TTLL9: variants seen among roughly 807,000 people sequenced by gnomAD.
The protein encoded by TTLL9 is probable tubulin polyglutamylase TTLL9.
TTLL9 carries 47 observed loss-of-function variants against 65.6 expected under a neutral mutation model. That is an observed-to-expected ratio of 0.72 (90% CI 0.57 to 0.91). TTLL9 has a LOEUF of 0.91. Among genes scored for constraint, TTLL9 ranks in the 40% least tolerant of loss-of-function variants. TTLL9 has a pLI of 0.00. For missense variants in TTLL9, 537 were observed against 568.8 expected (o/e 0.94, Z 0.57); for synonymous variants, 179 against 204.8 (o/e 0.87, Z 1.07).
At position 31,908,453 on chromosome 20, in the gene TTLL9, T is replaced by C. The variant is rs563949708; in HGVS notation, c.207-138T>C. The C allele has an allele frequency of 3.7e-4, 233 of 624,990 alleles. 3 individuals are homozygous for C. In the South Asian group the frequency reaches 4.3e-3, roughly 11 times the overall value. 38.7% of individuals were successfully genotyped at this position (624,990 alleles called of 1,614,324 possible). A position where few individuals can be genotyped will look rare whatever the true frequency, so the allele number is the denominator to read the frequency against. Reference sequence around the variant, plus strand: ...AGCACATGTAGGCCAGTGGCACCCATGGCCACCTCCAAGAGACTCTAGAGG... The same window carrying C: ...AGCACATGTAGGCCAGTGGCACCCACGGCCACCTCCAAGAGACTCTAGAGG... On this transcript the variant is annotated intron_variant, in intron 4 of 14. Transcript: ENST00000535842.
At chr20:31,882,989 T>C (rs1197168633) in intron 2 of TTLL9, among the ~76,000 whole-genome samples, 2 of 152,176 alleles carry the variant, frequency 1.3e-5, no homozygotes, top group African/African-American at 2.4e-5. Context: ...GGGAAGACAT[T>C]GATTGTCTCA....
chr20:31,931,454 C>T (rs1186719754), intron 10 of TTLL9, among the ~76,000 whole-genome samples: 1 of 151,972 alleles, frequency 6.6e-6, no homozygotes, highest in East Asian at 1.9e-4. Flanking sequence ...TTTTGTATTT[C>T]GTGTACATAC....
At position 31,909,774 on chromosome 20, in the gene TTLL9, G is replaced by A. The variant is rs201616223; in HGVS notation, c.356G>A (p.Arg119Gln). ...RKNYMVKNLKRFRKQLEREAG... is the reference protein window; with the variant it reads ...RKNYMVKNLKQFRKQLEREAG... ...AACTACATGGTGAAGAACCTGAAGC[G>A]GTTCCGGAAGCAGCTGGAGCGTGAG... The change falls in exon 6 of 15, where the codon CGG (arginine) becomes CAG (glutamine). Residue 119 changes from arginine (R) to glutamine (Q), a missense_variant. By Grantham distance (43) the Arg-to-Gln change is conservative. Around this residue, in one of 3 missense-constraint regions of TTLL9, gnomAD observed 320 missense variants for 311.0 expected, o/e 1.03. Transcript: ENST00000535842. 138 of 1,614,020 alleles carry A rather than the reference G, an allele frequency of 8.6e-5. No homozygotes were observed. Among genetic ancestry groups the A allele is most frequent in the Non-Finnish European group, 1.1e-4 (131 of 1,180,032 alleles).
At chr20:31,895,606 G>T (rs963257430) in intron 3 of TTLL9, among the ~76,000 whole-genome samples, 3 of 151,790 alleles carry the variant, frequency 2.0e-5, no homozygotes, top group Non-Finnish European at 4.4e-5. Context: ...GTGTGATCTC[G>T]GCTCACTGCA....
chr20:31,899,226 C>T (rs1030663884), intron 4 of TTLL9, among the ~76,000 whole-genome samples: 4 of 152,244 alleles, frequency 2.6e-5, no homozygotes, highest in South Asian at 2.1e-4. Flanking sequence ...CCATCTGCTT[C>T]TGTCTTTCCA....
intron 6 of TTLL9, among the ~76,000 whole-genome samples, chr20:31,918,635 C>T (rs1020437314): frequency 1.3e-5 from 2 of 152,226 alleles, no homozygotes; most frequent in African/African-American, 2.4e-5. Context: ...CCTCCTACTT[C>T]GGCCTTCCAG....
chr20:31,915,876 G>T (rs752539474), intron 6 of TTLL9, among the ~76,000 whole-genome samples: 1 of 152,150 alleles, frequency 6.6e-6, no homozygotes, highest in Non-Finnish European at 1.5e-5. Context: ...ACTAAAGCTC[G>T]TATTCCGGTT....
At chr20:31,881,882 A>G (rs555832584) in intron 2 of TTLL9, among the ~76,000 whole-genome samples, 17 of 152,320 alleles carry the variant, frequency 1.1e-4, no homozygotes, top group African/African-American at 4.1e-4. Context: ...CACTGTGAAT[A>G]TAGTATAGAC....
intron 11 of TTLL9, among the ~76,000 whole-genome samples, chr20:31,934,105 C>T (rs2064065119): frequency 6.6e-6 from 1 of 152,258 alleles, no homozygotes; most frequent in Non-Finnish European, 1.5e-5. Context: ...ATGTCCTATC[C>T]TCCTACCTTG....
intron 11 of TTLL9, chr20:31,934,414 T>G: frequency 1.7e-6 from 1 of 600,504 alleles, no homozygotes; most frequent in South Asian, 1.5e-5. Context: ...ACATGGTCAG[T>G]GTGGTCTGTC....
intron 10 of TTLL9, among the ~76,000 whole-genome samples, chr20:31,933,300 A>G (rs113631641): frequency 5.6e-4 from 85 of 152,192 alleles, no homozygotes; most frequent in Middle Eastern, 3.4e-3. Context: ...CCCTTTGCCA[A>G]TATTCCTACA....
intron 2 of TTLL9, chr20:31,883,962 GAAAT>G (rs1471121851): frequency 2.3e-6 from 1 of 434,682 alleles, no homozygotes; most frequent in African/African-American, 2.0e-5. Context: ...GCAAGAAAAA[GAAAT>G]AAAAAGCATA....
At chr20:31,909,991 C>A in intron 6 of TTLL9, 69 bp downstream of exon 6, 2 of 1,472,274 alleles carry the variant, frequency 1.4e-6, no homozygotes, top group Non-Finnish European at 1.9e-6. Context: ...GGATCAGGTG[C>A]AGACACTGCC....
intron 2 of TTLL9, among the ~76,000 whole-genome samples, chr20:31,873,264 A>G (rs1443281206): frequency 6.6e-6 from 1 of 152,156 alleles, no homozygotes; most frequent in Non-Finnish European, 1.5e-5. Context: ...CCAATTCAAC[A>G]CGTTTATTGG....
chr20:31,891,346 T>G (rs760452686), intron 3 of TTLL9, among the ~76,000 whole-genome samples: 4 of 152,222 alleles, frequency 2.6e-5, no homozygotes, highest in Non-Finnish European at 5.9e-5. Context: ...CACATTCTTG[T>G]GAATATTTGG....
At chr20:31,909,956 G>GGGGC in intron 6 of TTLL9, 34 bp downstream of exon 6, 3 of 658,916 alleles carry the variant, frequency 4.6e-6, no homozygotes, top group Non-Finnish European at 8.3e-6. Flanking sequence ...GGGTGGGAGG[G>GGGGC]AATGAGTCCC....
rs778120855 is a variant in TTLL9 at position 31,923,097 on chromosome 20, T to C, written c.664+44T>C. 5 of 1,463,340 alleles carry C rather than the reference T, an allele frequency of 3.4e-6. No individual in the cohort carries two copies. The African/African-American group carries it at 7.0e-5, about 20-fold the overall frequency. 90.6% of individuals were successfully genotyped at this position (1,463,340 alleles called of 1,614,324 possible). A position where few individuals can be genotyped will look rare whatever the true frequency, so the allele number is the denominator to read the frequency against. On this transcript the variant is annotated intron_variant, in intron 8 of 14. Coordinates refer to ENST00000535842, the MANE Select transcript of TTLL9 (RefSeq NM_001008409.5). ...CTCCTGCTCTTCCATTGCATGGTCA[T>C]CAAACAGTCAGTCAACAAGCTTTGA...
At chr20:31,871,754 G>T (rs2062936665) in intron 2 of TTLL9, among the ~76,000 whole-genome samples, 1 of 151,982 alleles carries the variant, frequency 6.6e-6, no homozygotes, top group African/African-American at 2.4e-5. Context: ...TAGAGACTAG[G>T]GACACAGCAG....
Position 31,910,028 on chromosome 20 carries a change from G to C in TTLL9, c.504+106G>C, listed in dbSNP as rs986909516. 3.0e-4 allele frequency: 351 copies of C among 1,172,496 alleles called. 2 individuals are homozygous for C. The highest frequency in any genetic ancestry group is 2.0e-4 in the Admixed American group (9 of 44,728). 72.6% of individuals were successfully genotyped at this position (1,172,496 alleles called of 1,614,324 possible). On this transcript the variant is annotated intron_variant, in intron 6 of 14. Transcript: ENST00000535842. Reference sequence around the variant, plus strand: ...GGGAATTCAGCCTTAGATGCTGTCTGCCTTCCCGAAGGGCCAGCTTTAGCT... The same window carrying C: ...GGGAATTCAGCCTTAGATGCTGTCTCCCTTCCCGAAGGGCCAGCTTTAGCT...
Sources: allele counts gnomAD v4.1 joint callset (sites outside exome capture counted in the v4.1 genomes callset), GRCh38; gene constraint gnomAD v4.1.1; regional missense constraint gnomAD v4.1.1; transcripts MANE v1.5; gene names NCBI Gene and HGNC (gene_info 2026-07-23, HGNC 2026-07-21).